The following PDXP variants were observed in gnomAD, a reference collection of about 807,000 sequenced individuals.
PDXP encodes the protein pyridoxal phosphatase.
In PDXP, 15 loss-of-function variants were observed where a neutral mutation model predicts 14.4. That is an observed-to-expected ratio of 1.04 (90% CI 0.70 to 1.60). PDXP has a LOEUF of 1.60. Ranked by LOEUF, PDXP falls within the 40% of genes most tolerant of loss-of-function variation. The probability of loss-of-function intolerance (pLI) is 0.00; values close to 1 mark genes in which losing one functional copy is unlikely to be tolerated. For synonymous variants in PDXP, 233 were observed against 205.6 expected (o/e 1.13, Z -1.14); for missense variants, 413 against 427.6 (o/e 0.97, Z 0.30).
At position 37,665,949 on chromosome 22, in the gene PDXP, A is replaced by T; in HGVS notation, c.*78A>T. On this transcript the variant is annotated 3_prime_UTR_variant, in exon 2 of 2. Coordinates refer to ENST00000215904, the MANE Select transcript of PDXP (RefSeq NM_020315.5). ...AGGTGGAGGCGATGGGTCACGAGCCATGTTAAGCACAACCGGCTCCTTGGT... is the reference window on the plus strand; with the variant it reads ...AGGTGGAGGCGATGGGTCACGAGCCTTGTTAAGCACAACCGGCTCCTTGGT... 7.0e-7 allele frequency: 1 copy of T among 1,418,898 alleles called. No individual in the cohort carries two copies. The highest frequency in any genetic ancestry group is 9.7e-7 in the Non-Finnish European group (1 of 1,031,234). 87.9% of individuals were successfully genotyped at this position (1,418,898 alleles called of 1,614,324 possible). A position where few individuals can be genotyped will look rare whatever the true frequency, so the allele number is the denominator to read the frequency against.
chr22:37,658,953 G>C lies in PDXP; in HGVS notation c.171G>C (p.Val57=). Residue 57 remains valine, a synonymous_variant, in exon 1 of 2, where the codon GTG becomes GTC. Transcript: ENST00000215904. ...GGGCCGGCAAGGCGGCTCTGTTTGT[G>C]AGCAACAACAGCCGGCGCGCGCGGC... ...LARAGKAALF[V]SNNSRRARPE... 4.9e-6 allele frequency: 6 copies of C among 1,213,864 alleles called. No homozygotes were observed. Among genetic ancestry groups the C allele is most frequent in the Non-Finnish European group, 6.2e-6 (6 of 974,032 alleles). 75.2% of individuals were successfully genotyped at this position (1,213,864 alleles called of 1,614,324 possible). A position where few individuals can be genotyped will look rare whatever the true frequency, so the allele number is the denominator to read the frequency against.
At chr22:37,661,940 T>A (rs1289063997) in intron 1 of PDXP, among the ~76,000 whole-genome samples, 8 of 68,692 alleles carry the variant, frequency 1.2e-4, no homozygotes, top group African/African-American at 4.6e-4. Flanking sequence ...TTTTTTTTTT[T>A]TTTTTTTTTT....
intron 1 of PDXP, among the ~76,000 whole-genome samples, chr22:37,662,868 A>T (rs1353064181): frequency 6.6e-6 from 1 of 152,044 alleles, no homozygotes; most frequent in African/African-American, 2.4e-5. Context: ...CGCGCCTGTA[A>T]TCCCAGCTAC....
chr22:37,660,134 T>C (rs562225377), intron 1 of PDXP, among the ~76,000 whole-genome samples: 2 of 152,278 alleles, frequency 1.3e-5, no homozygotes, highest in South Asian at 4.1e-4. Flanking sequence ...TAGCGTGCTA[T>C]CATTGCATCT....
intron 1 of PDXP, among the ~76,000 whole-genome samples, chr22:37,661,231 C>A (rs1304675122): frequency 2.6e-5 from 4 of 152,130 alleles, no homozygotes; most frequent in Non-Finnish European, 5.9e-5. Context: ...CTGTGCCCAC[C>A]CATCCTGCTG....
chr22:37,665,943 C>A lies in PDXP; in HGVS notation c.*72C>A. 7.0e-7 allele frequency: 1 copy of A among 1,437,700 alleles called. No homozygotes were observed. Among genetic ancestry groups the A allele is most frequent in the Middle Eastern group, 1.8e-4 (1 of 5,502 alleles). 89.1% of individuals were successfully genotyped at this position (1,437,700 alleles called of 1,614,324 possible). ...TCCCGTAGGTGGAGGCGATGGGTCACGAGCCATGTTAAGCACAACCGGCTC... is the reference window on the plus strand; with the variant it reads ...TCCCGTAGGTGGAGGCGATGGGTCAAGAGCCATGTTAAGCACAACCGGCTC... On this transcript the variant is annotated 3_prime_UTR_variant, in exon 2 of 2. Coordinates refer to ENST00000215904, the MANE Select transcript of PDXP (RefSeq NM_020315.5).
At chr22:37,663,826 AT>A (rs1302589087) in intron 1 of PDXP, among the ~76,000 whole-genome samples, 1 of 149,754 alleles carries the variant, frequency 6.7e-6, no homozygotes, top group Admixed American at 6.6e-5. Flanking sequence ...GAGGCCAATA[AT>A]TTTTTTATTT....
At chr22:37,659,380 A>G in intron 1 of PDXP, 24 bp downstream of exon 1, 1 of 1,290,396 alleles carries the variant, frequency 7.7e-7, no homozygotes. Flanking sequence ...TGGCGGGGAA[A>G]CTGAGATGGG....
At chr22:37,662,420 G>T (rs768944503) in intron 1 of PDXP, among the ~76,000 whole-genome samples, 1 of 152,152 alleles carries the variant, frequency 6.6e-6, no homozygotes, top group Non-Finnish European at 1.5e-5. Context: ...CCAGTGGTGC[G>T]CTGAGAAACA....
chr22:37,665,472 A>G (rs1324277519), intron 1 of PDXP, 83 bp from the exon 2 acceptor site: 17 of 1,158,498 alleles, frequency 1.5e-5, no homozygotes, highest in South Asian at 1.0e-4. Context: ...CCCTGGCACA[A>G]TCCACCTCCC....
chr22:37,661,794 G>A (rs1933209197), intron 1 of PDXP, among the ~76,000 whole-genome samples: 2 of 152,148 alleles, frequency 1.3e-5, no homozygotes, highest in South Asian at 4.1e-4. Context: ...GGGAAGGACA[G>A]AGTTGGGGCC....
intron 1 of PDXP, chr22:37,665,222 C>T (rs998998631): frequency 1.8e-5 from 7 of 392,190 alleles, no homozygotes; most frequent in East Asian, 4.8e-5. Context: ...CAGGACTGAC[C>T]GAGCCAGGCC....
chr22:37,664,610 G>T (rs1439282836), intron 1 of PDXP, among the ~76,000 whole-genome samples: 2 of 152,198 alleles, frequency 1.3e-5, no homozygotes, highest in Admixed American at 6.5e-5. Flanking sequence ...GAAACACCCA[G>T]CACAGGCCAG....
chr22:37,659,251 G>A lies in PDXP; in HGVS notation c.469G>A (p.Ala157Thr), dbSNP rs1307692554. Residue 157 changes from alanine to threonine, a missense_variant, in exon 1 of 2, where the codon GCC becomes ACC. By Grantham distance (58) the Ala-to-Thr change is moderately conservative (BLOSUM62 0). Coordinates refer to ENST00000215904, the MANE Select transcript of PDXP (RefSeq NM_020315.5). ...GGGCTACGACGAGCACTTCTCCTTC[G>A]CCAAGCTGAGGGAGGCGTGCGCGCA... ...LVGYDEHFSFAKLREACAHLR... is the reference protein window; with the variant it reads ...LVGYDEHFSFTKLREACAHLR... 1 of 1,324,458 alleles carries A rather than the reference G, an allele frequency of 7.6e-7. No homozygotes were observed. 82.0% of individuals were successfully genotyped at this position (1,324,458 alleles called of 1,614,324 possible).
In PDXP at chr22:37,659,149, C is replaced by G; in HGVS notation, c.367C>G (p.Arg123Gly). 1 of 1,036,074 alleles carries G rather than the reference C, an allele frequency of 9.7e-7. No individual in the cohort carries two copies. Among genetic ancestry groups the G allele is most frequent in the Non-Finnish European group, 1.2e-6 (1 of 864,718 alleles). 64.2% of individuals were successfully genotyped at this position (1,036,074 alleles called of 1,614,324 possible). A position where few individuals can be genotyped will look rare whatever the true frequency, so the allele number is the denominator to read the frequency against. Residue 123 changes from arginine to glycine, a missense_variant, in exon 1 of 2, where the codon CGC becomes GGC. Physicochemically the swap from Arg to Gly is moderately radical, Grantham distance 125. Transcript: ENST00000215904. ...LGGEGLRAEL[R>G]AAGLRLAGDP... ...CGGCGAGGGGCTGCGCGCCGAGCTG[C>G]GCGCCGCGGGGCTGCGCCTGGCCGG...
chr22:37,664,765 G>A (rs1267671778), intron 1 of PDXP: 1 of 152,282 alleles, frequency 6.6e-6, no homozygotes, highest in Non-Finnish European at 1.5e-5. Context: ...TACTGGGCTG[G>A]AAGACAGGAC....
In PDXP at chr22:37,659,348, GGACCC is replaced by G; in HGVS notation, c.567_571del (p.Thr190TrpfsTer47). ...TGGCACCCGCTGAGCGACGGCAGCC[GGACCC>G]CTGGTGAGCGCGGGAATGGCGGGGA... is the stretch of plus-strand genomic sequence containing the variant. On this transcript the variant is annotated frameshift_variant, in exon 1 of 2. Transcript: ENST00000215904. LOFTEE classifies it high-confidence loss of function. 7.7e-7 allele frequency: 1 copy of G among 1,300,046 alleles called. No homozygotes were observed. Among genetic ancestry groups the G allele is most frequent in the Non-Finnish European group, 9.8e-7 (1 of 1,022,152 alleles). The allele number at this position is 1,300,046 out of a possible 1,614,324, so 80.5% of individuals were successfully genotyped here.
rs1443988002 is a variant in PDXP at position 37,658,952 on chromosome 22, T to C, written c.170T>C (p.Val57Ala). The C allele has an allele frequency of 1.6e-6, 2 of 1,213,922 alleles. No individual in the cohort carries two copies. The highest frequency in any genetic ancestry group is 2.1e-6 in the Non-Finnish European group (2 of 974,228). 75.2% of individuals were successfully genotyped at this position (1,213,922 alleles called of 1,614,324 possible). A position where few individuals can be genotyped will look rare whatever the true frequency, so the allele number is the denominator to read the frequency against. The change falls in exon 1 of 2, where the codon GTG (valine) becomes GCG (alanine). Residue 57 changes from valine to alanine, a missense_variant. By Grantham distance (64) the Val-to-Ala change is moderately conservative. Coordinates refer to ENST00000215904, the MANE Select transcript of PDXP (RefSeq NM_020315.5). ...LARAGKAALFVSNNSRRARPE... is the reference protein window; with the variant it reads ...LARAGKAALFASNNSRRARPE... Reference sequence around the variant, plus strand: ...CGGGCCGGCAAGGCGGCTCTGTTTGTGAGCAACAACAGCCGGCGCGCGCGG... The same window carrying C: ...CGGGCCGGCAAGGCGGCTCTGTTTGCGAGCAACAACAGCCGGCGCGCGCGG...
At position 37,663,986 on chromosome 22, in the gene PDXP, A is replaced by G. The variant is rs569072630; in HGVS notation, c.575-1569A>G. Among the ~76,000 whole-genome samples, 9 of 131,960 alleles carry G rather than the reference A, an allele frequency of 6.8e-5. No individual in the cohort carries two copies. The East Asian group carries it at 1.1e-3, about 17-fold the overall frequency. 86.6% of individuals were successfully genotyped at this position (131,960 alleles called of 152,430 possible). Reference sequence around the variant, plus strand: ...TCTGGCGCCCAGACTGGAATGCTGCAGTGGCGTCATCTCAGCTCACCGCAG... The same window carrying G: ...TCTGGCGCCCAGACTGGAATGCTGCGGTGGCGTCATCTCAGCTCACCGCAG... On this transcript the variant is annotated intron_variant, in intron 1 of 1. Transcript: ENST00000215904.
Sources: gnomAD v4.1 joint callset for allele counts (sites outside exome capture counted in the v4.1 genomes callset) on GRCh38, gnomAD v4.1.1 for gene constraint, MANE v1.5 for transcripts, NCBI Gene and HGNC (gene_info 2026-07-23, HGNC 2026-07-21) for gene names.